Variants in KMT2D observed in about 807,000 individuals in gnomAD.
KMT2D encodes the protein lysine methyltransferase 2D.
In KMT2D, 55 loss-of-function variants were observed where a neutral mutation model predicts 512.7. The ratio of observed to expected loss-of-function variants is 0.11; its 90% CI spans 0.09 to 0.13. The LOEUF is 0.13. KMT2D is among the 10% of genes least tolerant of loss of function. KMT2D has a pLI of 1.00. For synonymous variants in KMT2D, 2,995 were observed against 2,904.0 expected, an observed-to-expected ratio of 1.03 and a Z score of -1.01; for missense variants, 6,061 against 7,127.9, an observed-to-expected ratio of 0.85 and a Z score of 5.39.
chr12:49,023,018 G>T, intron 51 of KMT2D, 143 bp from the exon 52 acceptor site: 1 of 902,170 alleles, frequency 1.1e-6, no homozygotes, highest in Non-Finnish European at 1.6e-6. Context: ...GCAGCCTTGG[G>T]AAAGGAGTAG....
rs535509833 is a variant in KMT2D at position 49,039,206 on chromosome 12, C to G, written c.8366+16G>C. ...TCCCCCTTGGTTTACCCCCAGGGAA[C>G]CTCCTGGAGCCTCACCGGCTGTTCA... On this transcript the variant is annotated intron_variant, in intron 34 of 54. Transcript: ENST00000301067. This position sits in a 1 kb window ranked among gnomAD's most constrained non-coding sequence, Gnocchi z 5.0. The G allele has an allele frequency of 1.2e-6, 2 of 1,612,732 alleles. No individual in the cohort carries two copies. The highest frequency in any genetic ancestry group is 2.2e-5 in the South Asian group (2 of 90,966).
rs1943470871 is a variant in KMT2D, at chr12:49,040,680, T to G, written c.7090A>C (p.Ser2364Arg). The G allele has an allele frequency of 1.2e-6, 2 of 1,613,628 alleles. No individual in the cohort carries two copies. The highest frequency in any genetic ancestry group is 2.7e-5 in the African/African-American group (2 of 74,944). ...CCAGGGCGAAAGATGTCTGGGTGAC[T>G]TGGAGGAGAAGGTGCCAAAGCCTGG... ...PAQALAPSPP[S>R]HPDIFRPGSY... is the part of the protein sequence containing the mutation. The change falls in exon 32 of 55, where the codon AGT becomes CGT. Residue 2364 changes from serine (S) to arginine (R), a missense_variant. Ser to Arg is a moderately radical substitution (Grantham distance 110). Coordinates refer to ENST00000301067, the MANE Select transcript of KMT2D (RefSeq NM_003482.4).
rs751430894 is a variant in KMT2D, at chr12:49,053,483, C to A, written c.832G>T (p.Ala278Ser). Residue 278 changes from alanine to serine, a missense_variant, in exon 7 of 55, where the codon GCC becomes TCC. This residue lies in a region of KMT2D where 160 missense variants were observed against 225.8 expected (regional missense o/e 0.71). Transcript: ENST00000301067. The part of the protein sequence containing the change: ...WQCPECKVCQ[A>S]CRKPGNDSKM... ...CTGCCCTTCCATTCCTACCTGCAGG[C>A]TTGGCACACTTTGCATTCAGGGCAC... 1.9e-6 allele frequency: 3 copies of A among 1,611,026 alleles called. No individual in the cohort carries two copies. The highest frequency in any genetic ancestry group is 2.5e-6 in the Non-Finnish European group (3 of 1,178,434).
At position 49,051,647 on chromosome 12, in the gene KMT2D, G is replaced by A. The variant is rs2120673838; in HGVS notation, c.2036C>T (p.Pro679Leu). ...SPLSPPPEES[P>L]TSPPPEASRL... ...TGAAGCCTCAGGTGGAGGGGACGTG[G>A]GAGACTCCTCAGGCGGTGGGGACAA... is the stretch of plus-strand genomic sequence containing the variant. The change falls in exon 11 of 55, where the codon CCC (proline) becomes CTC (leucine). Residue 679 changes from proline to leucine, a missense_variant. Coordinates refer to ENST00000301067, the MANE Select transcript of KMT2D (RefSeq NM_003482.4). 6.4e-7 allele frequency: 1 copy of A among 1,572,842 alleles called. No individual in the cohort carries two copies. The highest frequency in any genetic ancestry group is 8.6e-7 in the Non-Finnish European group (1 of 1,157,116).
Position 49,039,524 on chromosome 12 carries a change from C to A in KMT2D, c.8140G>T (p.Val2714Leu). 1 of 1,612,350 alleles carries A rather than the reference C, an allele frequency of 6.2e-7. No individual in the cohort carries two copies. The highest frequency in any genetic ancestry group is 1.1e-5 in the South Asian group (1 of 90,922). The change falls in exon 33 of 55, where the codon GTG becomes TTG. Residue 2714 changes from valine (V) to leucine (L), a missense_variant. Around this residue, in one of 16 missense-constraint regions of KMT2D, gnomAD observed 527 missense variants for 578.9 expected, o/e 0.91. Transcript: ENST00000301067. This position sits in a 1 kb window ranked among gnomAD's most constrained non-coding sequence, Gnocchi z 5.0. ...KETAAAAAGA[V>L]GPPGSWGAEP... is the part of the protein sequence containing the mutation. ...GCACCCCAGCTGCCTGGAGGCCCCACTGCTCCTGCAGCTGCTGCAGCTGTT... is the reference window on the plus strand; with the variant it reads ...GCACCCCAGCTGCCTGGAGGCCCCAATGCTCCTGCAGCTGCTGCAGCTGTT...
At position 49,044,993 on chromosome 12, in the gene KMT2D, C is replaced by T. The variant is rs750039177; in HGVS notation, c.4742-28G>A. The stretch of plus-strand genomic sequence containing the variant: ...GCATAAGAGGAAAGAGTATGTGATC[C>T]CTGGATGGAAGCCCCAGGGAAACCA... On this transcript the variant is annotated intron_variant, in intron 19 of 54. Transcript: ENST00000301067. This position sits in a 1 kb window ranked among gnomAD's most constrained non-coding sequence, Gnocchi z 6.4. 2 of 1,591,088 alleles carry T rather than the reference C, an allele frequency of 1.3e-6. No individual in the cohort carries two copies. Among genetic ancestry groups the T allele is most frequent in the Non-Finnish European group, 1.7e-6 (2 of 1,159,974 alleles).
Position 49,031,450 on chromosome 12 carries a change from G to A in KMT2D, c.13255C>T (p.Pro4419Ser), listed in dbSNP as rs1942906219. ...EASQLSIKQEPREEPCALGAQ... is the reference protein window; with the variant it reads ...EASQLSIKQESREEPCALGAQ... ...CCCAGGGCACATGGCTCTTCCCGAG[G>A]TTCCTGCTTGATGCTGAGTTGGGAT... Residue 4419 changes from proline to serine, a missense_variant, in exon 40 of 55, where the codon CCT (proline) becomes TCT (serine). Pro to Ser is a moderately conservative substitution (Grantham distance 74). This residue lies in a region of KMT2D where 1,600 missense variants were observed against 1,754.9 expected (regional missense o/e 0.91). Transcript: ENST00000301067. 2 of 1,613,772 alleles carry A rather than the reference G, an allele frequency of 1.2e-6. No homozygotes were observed. The highest frequency in any genetic ancestry group is 1.3e-5 in the African/African-American group (1 of 75,020).
intron 1 of KMT2D, among the ~76,000 whole-genome samples, chr12:49,056,311 T>C (rs1938405981): frequency 6.6e-6 from 1 of 152,134 alleles, no homozygotes; most frequent in South Asian, 2.1e-4. Context: ...GGGTGGGGAA[T>C]AACGGTCCCT....
In KMT2D at chr12:49,037,140, A is replaced by G. The variant is rs2120474554; in HGVS notation, c.10216T>C (p.Phe3406Leu). The stretch of plus-strand genomic sequence containing the variant: ...CTGAGGTTACCTGTATCTGGGAAGA[A>G]GCTGTTTGCCAGCTGCTGCTGCATT... ...LAMQQQLANS[F>L]FPDTDLDKFA... Residue 3406 changes from phenylalanine to leucine, a missense_variant, in exon 35 of 55, where the codon TTC (phenylalanine) becomes CTC (leucine). This residue lies in a region of KMT2D where 533 missense variants were observed against 539.6 expected (regional missense o/e 0.99). Coordinates refer to ENST00000301067, the MANE Select transcript of KMT2D (RefSeq NM_003482.4). 6.3e-7 allele frequency: 1 copy of G among 1,576,118 alleles called. No individual in the cohort carries two copies.
rs1185543446 is a variant in KMT2D, at chr12:49,034,660, T to A, written c.10362A>T (p.Gln3454His). Reference protein sequence around the residue: ...IGVAPGMNRQQVSLLAQRLSG... With the variant: ...IGVAPGMNRQHVSLLAQRLSG... The stretch of plus-strand genomic sequence containing the variant: ...AGAGCCTCTGGGCTAGCAGAGACAC[T>A]TGCTGTCTGGAGTCCACCAAAGCAC... The change falls in exon 37 of 55, where the codon CAA (glutamine) becomes CAT (histidine). Residue 3454 changes from glutamine (Q) to histidine (H), a missense_variant. This residue lies in a region of KMT2D where 533 missense variants were observed against 539.6 expected (regional missense o/e 0.99). Transcript: ENST00000301067. 2 of 1,612,858 alleles carry A rather than the reference T, an allele frequency of 1.2e-6. No homozygotes were observed. Among genetic ancestry groups the A allele is most frequent in the Admixed American group, 1.7e-5 (1 of 59,840 alleles).
At position 49,030,717 on chromosome 12, in the gene KMT2D, G is replaced by T. The variant is rs776021061; in HGVS notation, c.13723C>A (p.Leu4575Ile). 5.0e-6 allele frequency: 8 copies of T among 1,613,646 alleles called. No individual in the cohort carries two copies. The East Asian group carries it at 1.6e-4, about 31-fold the overall frequency. Residue 4575 changes from leucine to isoleucine, a missense_variant, in exon 42 of 55, where the codon CTC becomes ATC. Coordinates refer to ENST00000301067, the MANE Select transcript of KMT2D (RefSeq NM_003482.4). The stretch of plus-strand genomic sequence containing the variant: ...CAGCCACTGCCAAAGGGGGCAAAGA[G>T]GCTAAAATTGGCGGTGATAGCAGGC... ...TEPAITANFS[L>I]FAPFGSGCPV...
rs1942241358 is a variant in KMT2D, at chr12:49,020,208, A to G, written c.*1572T>C. On this transcript the variant is annotated 3_prime_UTR_variant, in exon 55 of 55. Coordinates refer to ENST00000301067, the MANE Select transcript of KMT2D (RefSeq NM_003482.4). ...GGTCAGCTCTCTTTTGTGCGTTATA[A>G]CATAGTCCAACTATACAACAGGGGG... is the stretch of plus-strand genomic sequence containing the variant. The G allele has an allele frequency of 5.7e-6, 1 of 175,274 alleles. No homozygotes were observed. The highest frequency in any genetic ancestry group is 1.2e-5 in the Non-Finnish European group (1 of 81,500). The allele number at this position is 175,274 out of a possible 1,614,324, so 10.9% of individuals were successfully genotyped here.
At position 49,052,100 on chromosome 12, in the gene KMT2D, G is replaced by C; in HGVS notation, c.1583C>G (p.Pro528Arg). ...SPLSPPEESP[P>R]SPALETPLSP... Reference sequence around the variant, plus strand: ...TAGAGGCGTCTCAAGTGCAGGAGATGGGGGTGACTCTTCCGGTGGAGACAA... The same window carrying C: ...TAGAGGCGTCTCAAGTGCAGGAGATCGGGGTGACTCTTCCGGTGGAGACAA... The change falls in exon 11 of 55, where the codon CCA (proline) becomes CGA (arginine). Residue 528 changes from proline (P) to arginine (R), a missense_variant. Transcript: ENST00000301067. The C allele has an allele frequency of 6.2e-7, 1 of 1,613,286 alleles. No homozygotes were observed. The highest frequency in any genetic ancestry group is 8.5e-7 in the Non-Finnish European group (1 of 1,179,584).
rs763808246 is a variant in KMT2D, at chr12:49,037,927, G to C, written c.9429C>G (p.Pro3143=). ...GGCCAAGGGAATTGGCAGCAGGTGC[G>C]GGCTCTACCTTGGGGGTAGCAATGG... is the stretch of plus-strand genomic sequence containing the variant. The part of the protein sequence containing the change: ...QFTIATPKVE[P]APAANSLGLG... The change falls in exon 35 of 55, where the codon CCC becomes CCG. Residue 3143 remains proline, a synonymous_variant. Coordinates refer to ENST00000301067, the MANE Select transcript of KMT2D (RefSeq NM_003482.4). 6.2e-7 allele frequency: 1 copy of C among 1,604,480 alleles called. No homozygotes were observed.
chr12:49,041,060 T>G lies in KMT2D; in HGVS notation c.6710A>C (p.Gln2237Pro). ...HTTPPGTPRH[Q>P]PSTPDPFLKP... ...GAGGAATGGGTCAGGTGTGGAGGGCTGGTGTCTGGGGGTGCCAGGTGGGGT... is the reference window on the plus strand; with the variant it reads ...GAGGAATGGGTCAGGTGTGGAGGGCGGGTGTCTGGGGGTGCCAGGTGGGGT... Residue 2237 changes from glutamine (Q) to proline (P), a missense_variant, in exon 32 of 55, where the codon CAG (glutamine) becomes CCG (proline). Coordinates refer to ENST00000301067, the MANE Select transcript of KMT2D (RefSeq NM_003482.4). This position sits in a 1 kb window ranked among gnomAD's most constrained non-coding sequence, Gnocchi z 5.4. The G allele has an allele frequency of 1.3e-6, 2 of 1,542,494 alleles. No homozygotes were observed. The highest frequency in any genetic ancestry group is 1.7e-6 in the Non-Finnish European group (2 of 1,145,618).
In KMT2D at chr12:49,030,932, C is replaced by T. The variant is rs950501470; in HGVS notation, c.13632G>A (p.Gly4544=). 1.5e-5 allele frequency: 25 copies of T among 1,613,860 alleles called. No homozygotes were observed. The highest frequency in any genetic ancestry group is 5.3e-5 in the African/African-American group (4 of 74,934). ...SSRKKLRKED[G]VRASEALLKQ... ...TCAGCAAGGCCTCGCTGGCCCTGAC[C>T]CCGTCCTCCTTCCGCAGCTTCTTTC... Residue 4544 remains glycine, a synonymous_variant, in exon 41 of 55, where the codon GGG becomes GGA. Transcript: ENST00000301067.
At chr12:49,035,288 C>A (rs1943169215) in intron 35 of KMT2D, among the ~76,000 whole-genome samples, 1 of 152,206 alleles carries the variant, frequency 6.6e-6, no homozygotes, top group African/African-American at 2.4e-5. Context: ...AATATAAGTA[C>A]ACTTTATGAC....
chr12:49,041,265 C>T lies in KMT2D; in HGVS notation c.6505G>A (p.Ala2169Thr), dbSNP rs369501280. 16 of 1,517,160 alleles carry T rather than the reference C, an allele frequency of 1.1e-5. No individual in the cohort carries two copies. Among genetic ancestry groups the T allele is most frequent in the South Asian group, 6.7e-5 (5 of 75,104 alleles). 94.0% of individuals were successfully genotyped at this position (1,517,160 alleles called of 1,614,324 possible). The change falls in exon 32 of 55, where the codon GCC becomes ACC. Residue 2169 changes from alanine (A) to threonine (T), a missense_variant. Ala to Thr is a moderately conservative substitution (Grantham distance 58). Coordinates refer to ENST00000301067, the MANE Select transcript of KMT2D (RefSeq NM_003482.4). This position sits in a 1 kb window ranked among gnomAD's most constrained non-coding sequence, Gnocchi z 5.4. ...AAGGGGTCCTGCGAAGGCACTTGGG[C>T]GGGCACCTGGGGTGGGAGCTTGAGG... ...LFLKLPPQVP[A>T]QVPSQDPFGL...
Position 49,038,505 on chromosome 12 carries a change from G to A in KMT2D, c.8851C>T (p.His2951Tyr), listed in dbSNP as rs745750501. The change falls in exon 35 of 55, where the codon CAC becomes TAC. Residue 2951 changes from histidine to tyrosine, a missense_variant. Coordinates refer to ENST00000301067, the MANE Select transcript of KMT2D (RefSeq NM_003482.4). This position sits in a 1 kb window ranked among gnomAD's most constrained non-coding sequence, Gnocchi z 5.7. ...ELNNSLHPTP[H>Y]TKGPTLPTGL... ...GTTGGCAGGGTAGGACCCTTGGTGT[G>A]GGGTGTTGGATGAAGACTGTTGTTC... 1.9e-6 allele frequency: 3 copies of A among 1,606,816 alleles called. No individual in the cohort carries two copies. The highest frequency in any genetic ancestry group is 3.3e-5 in the Admixed American group (2 of 59,734).
Sources: allele counts gnomAD v4.1 joint callset (sites outside exome capture counted in the v4.1 genomes callset), GRCh38; gene constraint gnomAD v4.1.1; regional missense constraint gnomAD v4.1.1; non-coding constraint Gnocchi (gnomAD v3.1); transcripts MANE v1.5; gene names NCBI Gene and HGNC (gene_info 2026-07-23, HGNC 2026-07-21).